Variants in CEP57 observed in about 807,000 individuals in gnomAD.
CEP57 encodes the protein centrosomal protein of 57 kDa.
A neutral mutation model predicts 68.0 loss-of-function variants in CEP57; 40 were observed. That is an observed-to-expected ratio of 0.59 (90% CI 0.46 to 0.77). CEP57 has a LOEUF of 0.77. Among genes scored for constraint, CEP57 ranks in the 30% least tolerant of loss-of-function variants. CEP57 has a pLI of 0.00. For synonymous variants in CEP57, 219 were observed against 198.7 expected, an observed-to-expected ratio of 1.10 and a Z score of -0.86; for missense variants, 606 against 580.7, an observed-to-expected ratio of 1.04 and a Z score of -0.45.
At position 95,817,908 on chromosome 11, in the gene CEP57, G is replaced by C; in HGVS notation, c.621+5G>C. 6.5e-7 allele frequency: 1 copy of C among 1,546,588 alleles called. No individual in the cohort carries two copies. The highest frequency in any genetic ancestry group is 1.4e-5 in the African/African-American group (1 of 73,548). ...ACAATGCAGGCCCTTGCAGAAGTCA[G>C]TGCATGTGTCTTTTTATTGTTAACA... On this transcript the variant is annotated splice_donor_5th_base_variant and intron_variant, in intron 5 of 10. Transcript: ENST00000325542.
chr11:95,799,491 C>A, intron 2 of CEP57, 103 bp downstream of exon 2: 1 of 1,376,254 alleles, frequency 7.3e-7, no homozygotes, highest in Non-Finnish European at 1.0e-6. Context: ...AATATATTTC[C>A]CCTTTGCTTC....
At chr11:95,800,473 GC>G (rs1259265896) in intron 2 of CEP57, among the ~76,000 whole-genome samples, 2 of 151,722 alleles carry the variant, frequency 1.3e-5, no homozygotes, top group Non-Finnish European at 2.9e-5. Flanking sequence ...CCGGCTCACT[GC>G]AACCTCCGCC....
intron 1 of CEP57, among the ~76,000 whole-genome samples, chr11:95,797,745 A>G (rs578172176): frequency 8.2e-4 from 125 of 152,362 alleles, no homozygotes; most frequent in African/African-American, 2.9e-3. Flanking sequence ...GGGCAAGCCC[A>G]CTAACATACA....
chr11:95,825,077 A>C (rs1210771963), intron 8 of CEP57, among the ~76,000 whole-genome samples: 1 of 152,178 alleles, frequency 6.6e-6, no homozygotes, highest in African/African-American at 2.4e-5. Context: ...ACTTGTCCCT[A>C]AACACAGTGT....
chr11:95,794,206 C>CTT (rs769225967), intron 1 of CEP57: 40 of 390,838 alleles, frequency 1.0e-4, no homozygotes, highest in Middle Eastern at 3.6e-4. Context: ...AGTGATTTTT[C>CTT]TTTTTTTTTT....
chr11:95,807,341 C>T (rs1248381134), intron 2 of CEP57, among the ~76,000 whole-genome samples: 1 of 152,156 alleles, frequency 6.6e-6, no homozygotes, highest in African/African-American at 2.4e-5. Flanking sequence ...TTGCCAGCAA[C>T]AGAACAAAGC....
intron 2 of CEP57, among the ~76,000 whole-genome samples, chr11:95,803,836 A>AG (rs1180269906): frequency 6.6e-6 from 1 of 152,146 alleles, no homozygotes; most frequent in African/African-American, 2.4e-5. Context: ...AAAAGTCCCA[A>AG]GAAGACAAGC....
intron 4 of CEP57, 27 bp from the exon 5 acceptor site, chr11:95,817,760 C>T (rs905350359): frequency 1.4e-6 from 2 of 1,437,244 alleles, no homozygotes; most frequent in African/African-American, 1.4e-5. Flanking sequence ...GTCAAATTAT[C>T]AAGCCGTATT....
At chr11:95,810,364 G>A (rs918857288) in intron 2 of CEP57, among the ~76,000 whole-genome samples, 2 of 152,156 alleles carry the variant, frequency 1.3e-5, no homozygotes, top group African/African-American at 4.8e-5. Flanking sequence ...AATCAGGCAG[G>A]AGAAAGAAAT....
At chr11:95,820,921 A>G (rs1354103349) in intron 6 of CEP57, among the ~76,000 whole-genome samples, 1 of 152,186 alleles carries the variant, frequency 6.6e-6, no homozygotes, top group Non-Finnish European at 1.5e-5. Context: ...GTCATGGAAT[A>G]GATTTTTTAC....
chr11:95,822,247 T>G, intron 7 of CEP57: 1 of 578,880 alleles, frequency 1.7e-6, no homozygotes, highest in South Asian at 2.0e-5. Context: ...CAATGTTTTG[T>G]GTATATGTAT....
intron 1 of CEP57, 109 bp downstream of exon 1, chr11:95,790,852 T>C: frequency 1.6e-6 from 2 of 1,287,824 alleles, no homozygotes; most frequent in South Asian, 2.5e-5. Context: ...ATTCTGGAGG[T>C]CGGCGGGAAT....
intron 8 of CEP57, chr11:95,825,643 C>T (rs1862707580): frequency 6.9e-6 from 1 of 144,502 alleles, no homozygotes; most frequent in African/African-American, 2.6e-5. Context: ...GTCACTCAGG[C>T]TGGAGTGCAG....
rs965558620 is a variant in CEP57, at chr11:95,798,008, T to G, written c.46-1224T>G. On this transcript the variant is annotated intron_variant, in intron 1 of 10. Coordinates refer to ENST00000325542, the MANE Select transcript of CEP57 (RefSeq NM_014679.5). ...GACAATATTATAAAGAATTGAAAAC[T>G]CATCCTATTTTCCAGTTACCTGTAA... Among the ~76,000 whole-genome samples the G allele has an allele frequency of 2.0e-5, 3 of 152,216 alleles. No individual in the cohort carries two copies. The South Asian group carries it at 6.2e-4, about 31-fold the overall frequency.
intron 1 of CEP57, among the ~76,000 whole-genome samples, chr11:95,793,128 C>T (rs1861175050): frequency 6.6e-6 from 1 of 152,166 alleles, no homozygotes; most frequent in African/African-American, 2.4e-5. Flanking sequence ...CTTTGGGAAG[C>T]AGTGACCATG....
Position 95,793,791 on chromosome 11 carries a change from T to G in CEP57, c.45+3048T>G, listed in dbSNP as rs1861212022. 1.3e-5 allele frequency among the ~76,000 whole-genome samples: 2 copies of G among 152,244 alleles called. 1 individual carries two copies. Among genetic ancestry groups the G allele is most frequent in the South Asian group, 4.1e-4 (2 of 4,836 alleles). ...TCTCTAGCTAGTAAATGACAGTATC[T>G]TAATGGGCTTTGGATTTAATGGGTT... On this transcript the variant is annotated intron_variant, in intron 1 of 10. Coordinates refer to ENST00000325542, the MANE Select transcript of CEP57 (RefSeq NM_014679.5).
At chr11:95,825,542 G>C (rs1258495021) in intron 8 of CEP57, 1 of 151,010 alleles carries the variant, frequency 6.6e-6, no homozygotes, top group Non-Finnish European at 1.5e-5. Context: ...AAAACAAGTT[G>C]ACATTAGATA....
intron 7 of CEP57, 119 bp from the exon 8 acceptor site, chr11:95,822,380 A>G: frequency 2.7e-6 from 2 of 754,094 alleles, no homozygotes; most frequent in Non-Finnish European, 2.3e-6. Context: ...CATAATGCCA[A>G]CTATAGATAA....
At chr11:95,829,093 A>T in intron 9 of CEP57, 94 bp from the exon 10 acceptor site, 2 of 1,320,976 alleles carry the variant, frequency 1.5e-6, no homozygotes, top group South Asian at 1.3e-5. Flanking sequence ...GTCATTTTTT[A>T]AACACATGGA....
Sources: gnomAD v4.1 joint callset for allele counts (sites outside exome capture counted in the v4.1 genomes callset) on GRCh38, gnomAD v4.1.1 for gene constraint, MANE v1.5 for transcripts, NCBI Gene and HGNC (gene_info 2026-07-23, HGNC 2026-07-21) for gene names.